TTC7B: variants seen among roughly 807,000 people sequenced by gnomAD.
The protein encoded by TTC7B is tetratricopeptide repeat protein 7B.
Under a neutral mutation model 106.8 loss-of-function variants are expected in TTC7B, and 28 were observed. The ratio of observed to expected loss-of-function variants is 0.26; its 90% CI spans 0.19 to 0.36. The LOEUF is 0.36. Ranked by LOEUF, TTC7B falls within the 10% of genes least tolerant of loss-of-function variation. The pLI is 1.00. For synonymous variants in TTC7B, 405 were observed against 430.6 expected (o/e 0.94, Z 0.74); for missense variants, 862 against 1,076.4 (o/e 0.80, Z 2.79).
chr14:90,737,466 G>T (rs1889580510), intron 4 of TTC7B, among the ~76,000 whole-genome samples: 1 of 150,768 alleles, frequency 6.6e-6, no homozygotes, highest in African/African-American at 2.4e-5. Flanking sequence ...ACTGATATAT[G>T]CTACTACATG....
chr14:90,630,867 C>G (rs1275003846), intron 15 of TTC7B, among the ~76,000 whole-genome samples: 9 of 144,108 alleles, frequency 6.2e-5, no homozygotes, highest in Non-Finnish European at 1.4e-4. Context: ...TGGAGTCTCA[C>G]TCTATTGCCC....
intron 13 of TTC7B, 97 bp downstream of exon 13, chr14:90,652,744 C>G: frequency 7.0e-7 from 1 of 1,418,570 alleles, no homozygotes; most frequent in Non-Finnish European, 9.9e-7. Context: ...GGGTAAAACA[C>G]TGTTTACATA....
chr14:90,563,402 T>A (rs965787040), intron 19 of TTC7B, among the ~76,000 whole-genome samples: 1 of 152,226 alleles, frequency 6.6e-6, no homozygotes, highest in African/African-American at 2.4e-5. Flanking sequence ...TGTAATACCA[T>A]TATACCTAAA....
At chr14:90,704,824 C>T (rs1382927357) in intron 5 of TTC7B, among the ~76,000 whole-genome samples, 1 of 152,230 alleles carries the variant, frequency 6.6e-6, no homozygotes, top group African/African-American at 2.4e-5. Context: ...CAGAAGTCAA[C>T]CCTCTGAAGT....
chr14:90,632,997 A>T (rs982130123), intron 15 of TTC7B, among the ~76,000 whole-genome samples: 1 of 152,240 alleles, frequency 6.6e-6, no homozygotes, highest in Non-Finnish European at 1.5e-5. Flanking sequence ...CACTGATGTA[A>T]AAAGAAATGT....
At chr14:90,765,618 G>C (rs1206126913) in intron 3 of TTC7B, among the ~76,000 whole-genome samples, 1 of 152,082 alleles carries the variant, frequency 6.6e-6, no homozygotes, top group Non-Finnish European at 1.5e-5. Context: ...GGAACTCCAG[G>C]GTCTCTTGAA....
At chr14:90,557,219 A>G (rs781290040) in intron 19 of TTC7B, among the ~76,000 whole-genome samples, 1 of 152,094 alleles carries the variant, frequency 6.6e-6, no homozygotes, top group Non-Finnish European at 1.5e-5. Context: ...ATCTTTTATC[A>G]CTGAACACTG....
At position 90,538,882 on chromosome 14, in the gene TTC7B, C is replaced by G. The variant is rs1889484662; in HGVS notation, c.*2486G>C. On this transcript the variant is annotated 3_prime_UTR_variant, in exon 20 of 20. Transcript: ENST00000328459. The stretch of plus-strand genomic sequence containing the variant: ...GGTGACCCGGGGCCCGGCTCTCTTT[C>G]CACCTCCTCATTCTCTTTTTCTGTG... 6.6e-6 allele frequency: 1 copy of G among 152,158 alleles called. No individual in the cohort carries two copies. Among genetic ancestry groups the G allele is most frequent in the Non-Finnish European group, 1.5e-5 (1 of 68,036 alleles). The allele number at this position is 152,158 out of a possible 1,614,324, so 9.4% of individuals were successfully genotyped here.
At chr14:90,664,709 A>AG (rs1886343368) in intron 9 of TTC7B, among the ~76,000 whole-genome samples, 1 of 152,218 alleles carries the variant, frequency 6.6e-6, no homozygotes, top group African/African-American at 2.4e-5. Flanking sequence ...GCAGGGCGTG[A>AG]GGACAAAAAG....
At chr14:90,547,576 G>T (rs139012854) in intron 19 of TTC7B, among the ~76,000 whole-genome samples, 1 of 152,192 alleles carries the variant, frequency 6.6e-6, no homozygotes, top group Admixed American at 6.5e-5. Flanking sequence ...CAGATGGATC[G>T]CTTGAGCCTG....
chr14:90,713,749 A>C (rs924176609), intron 5 of TTC7B, among the ~76,000 whole-genome samples: 8 of 152,272 alleles, frequency 5.3e-5, no homozygotes, highest in African/African-American at 1.7e-4. Context: ...TGTTCACAGC[A>C]GCTTCATTCA....
At chr14:90,659,244 T>TGA (rs1566823049) in intron 9 of TTC7B, among the ~76,000 whole-genome samples, 26 of 140,056 alleles carry the variant, frequency 1.9e-4, no homozygotes, top group African/African-American at 6.9e-4. Context: ...AGAGAGAGAG[T>TGA]GTGTGGAGTG....
intron 3 of TTC7B, among the ~76,000 whole-genome samples, chr14:90,747,979 CTTTACT>C (rs992248497): frequency 3.3e-5 from 5 of 152,030 alleles, no homozygotes; most frequent in Non-Finnish European, 7.4e-5. Flanking sequence ...TTAATCATCC[CTTTACT>C]TTTAATCTAT....
intron 15 of TTC7B, among the ~76,000 whole-genome samples, chr14:90,620,131 G>A (rs1039471994): frequency 1.2e-4 from 18 of 152,060 alleles, no homozygotes; most frequent in African/African-American, 2.4e-5. Flanking sequence ...GTGGGGCCAC[G>A]GCTGCAGCCT....
At chr14:90,621,290 A>T (rs1884165570) in intron 15 of TTC7B, among the ~76,000 whole-genome samples, 1 of 150,400 alleles carries the variant, frequency 6.6e-6, no homozygotes, top group South Asian at 2.1e-4. Context: ...TACAGCCGGG[A>T]CGATAGGCAG....
intron 17 of TTC7B, among the ~76,000 whole-genome samples, chr14:90,601,152 T>G (rs1396921955): frequency 1.3e-5 from 2 of 152,152 alleles, no homozygotes; most frequent in African/African-American, 4.8e-5. Context: ...TTTAGTTTAA[T>G]TAAAATAGCA....
intron 13 of TTC7B, among the ~76,000 whole-genome samples, chr14:90,649,727 C>T (rs1885632935): frequency 6.6e-6 from 1 of 151,752 alleles, no homozygotes; most frequent in Non-Finnish European, 1.5e-5. Context: ...CACCCATCCA[C>T]CCAGCCAACC....
chr14:90,534,261 GACC>G lies in TTC7B; in HGVS notation c.*7104_*7106del, dbSNP rs1889357878. 1 of 152,374 alleles carries G rather than the reference GACC, an allele frequency of 6.6e-6. No homozygotes were observed. Among genetic ancestry groups the G allele is most frequent in the Admixed American group, 6.5e-5 (1 of 15,288 alleles). The allele number at this position is 152,374 out of a possible 1,614,324, so 9.4% of individuals were successfully genotyped here. On this transcript the variant is annotated 3_prime_UTR_variant, in exon 20 of 20. Transcript: ENST00000328459. The stretch of plus-strand genomic sequence containing the variant: ...TGGGCAGGGGCAGCAGGAAATGCAT[GACC>G]ACAAGTGTGGGAGGAATGTTAGTGG...
chr14:90,682,657 T>C (rs904967083), intron 7 of TTC7B, among the ~76,000 whole-genome samples: 2 of 152,142 alleles, frequency 1.3e-5, no homozygotes, highest in Admixed American at 6.5e-5. Flanking sequence ...GGCCTCAGCC[T>C]TGAAGAGTGG....
Sources: gnomAD v4.1 joint callset for allele counts (sites outside exome capture counted in the v4.1 genomes callset) on GRCh38, gnomAD v4.1.1 for gene constraint, MANE v1.5 for transcripts, NCBI Gene and HGNC (gene_info 2026-07-23, HGNC 2026-07-21) for gene names.